The following WWOX variants were observed in gnomAD, a reference collection of about 807,000 sequenced individuals.
WWOX encodes the protein WW domain-containing oxidoreductase.
A neutral mutation model predicts 46.2 loss-of-function variants in WWOX; 69 were observed. The observed-to-expected ratio is 1.49, with a 90% CI of 1.23 to 1.82. WWOX has a LOEUF of 1.82. Ranked by LOEUF, WWOX falls within the 40% of genes most tolerant of loss-of-function variation. The pLI is 0.00. For missense variants in WWOX, 919 were observed against 542.6 expected, an observed-to-expected ratio of 1.69 and a Z score of -6.89; for synonymous variants, 359 against 202.6, an observed-to-expected ratio of 1.77 and a Z score of -6.56.
intron 8 of WWOX, among the ~76,000 whole-genome samples, chr16:78,566,287 G>T (rs116575657): frequency 6.6e-6 from 1 of 152,158 alleles, no homozygotes; most frequent in Non-Finnish European, 1.5e-5. Flanking sequence ...TGAATTTGGG[G>T]GAGCTGGGGA....
intron 2 of WWOX, among the ~76,000 whole-genome samples, chr16:78,109,433 C>T (rs928356190): frequency 4.6e-5 from 7 of 152,138 alleles, no homozygotes; most frequent in African/African-American, 9.7e-5. Context: ...ATGAGGTCAG[C>T]GTATGAATGA....
Position 78,108,417 on chromosome 16 carries a change from T to TA in WWOX, c.108-4dup. The TA allele has an allele frequency of 6.2e-7, 1 of 1,613,428 alleles. No individual in the cohort carries two copies. The highest frequency in any genetic ancestry group is 8.5e-7 in the Non-Finnish European group (1 of 1,179,640). On this transcript the variant is annotated splice_region_variant and splice_polypyrimidine_tract_variant and intron_variant, in intron 1 of 8. Transcript: ENST00000566780. ...TTATTACTGTGGATTTTTTGTTTTTTAACAGTCACACCGAGGAGAAGACTC... is the reference window on the plus strand; with the variant it reads ...TTATTACTGTGGATTTTTTGTTTTTTAAACAGTCACACCGAGGAGAAGACTC...
intron 8 of WWOX, among the ~76,000 whole-genome samples, chr16:79,007,963 T>C (rs577914284): frequency 6.6e-6 from 1 of 152,278 alleles, no homozygotes; most frequent in South Asian, 2.1e-4. Context: ...TGTAAGAAAT[T>C]ACCACAAATT....
chr16:78,707,685 C>G (rs1463784270), intron 8 of WWOX, among the ~76,000 whole-genome samples: 1 of 152,046 alleles, frequency 6.6e-6, no homozygotes, highest in Non-Finnish European at 1.5e-5. Context: ...GCATTCAGGA[C>G]TAGCCTGGCC....
intron 8 of WWOX, chr16:79,016,939 A>G (rs577581727): frequency 1.3e-5 from 2 of 152,296 alleles, no homozygotes; most frequent in South Asian, 2.1e-4. Context: ...ACCTCAGGTG[A>G]TCCGACCACC....
intron 5 of WWOX, among the ~76,000 whole-genome samples, chr16:78,374,899 T>G (rs1397227277): frequency 1.7e-4 from 26 of 152,016 alleles, no homozygotes; most frequent in Admixed American, 1.6e-3. Context: ...TTGGCCAGCC[T>G]GGTCTCAAAC....
At chr16:78,173,086 A>T (rs941195979) in intron 5 of WWOX, among the ~76,000 whole-genome samples, 3 of 152,230 alleles carry the variant, frequency 2.0e-5, no homozygotes, top group African/African-American at 7.2e-5. Flanking sequence ...TGAAGCAGCC[A>T]GTCTCAGGCT....
chr16:78,140,671 C>G (rs753261246), intron 4 of WWOX, among the ~76,000 whole-genome samples: 8 of 152,144 alleles, frequency 5.3e-5, no homozygotes, highest in Non-Finnish European at 1.2e-4. Flanking sequence ...GTTTTCTGAT[C>G]TCCTCTTCTT....
intron 8 of WWOX, among the ~76,000 whole-genome samples, chr16:78,958,731 A>G (rs914779693): frequency 2.0e-5 from 3 of 152,228 alleles, no homozygotes; most frequent in African/African-American, 4.8e-5. Context: ...CCAGGATGCA[A>G]TTAGTTTGAT....
rs184235296 is a variant in WWOX, at chr16:78,491,013, C to T, written c.1056+58261C>T. The stretch of plus-strand genomic sequence containing the variant: ...CCGCTCCAGCCTTCTTTCCTTCCAC[C>T]TCTCCCTCTTGGCCAACTTCATGCT... On this transcript the variant is annotated intron_variant, in intron 8 of 8. Coordinates refer to ENST00000566780, the MANE Select transcript of WWOX (RefSeq NM_016373.4). Among the ~76,000 whole-genome samples, 1,268 of 152,240 alleles carry T rather than the reference C, an allele frequency of 8.3e-3. 15 individuals carry two copies. Among genetic ancestry groups the T allele is most frequent in the Non-Finnish European group, 9.1e-3 (622 of 68,016 alleles).
intron 8 of WWOX, among the ~76,000 whole-genome samples, chr16:79,076,505 T>C (rs1414487973): frequency 2.6e-5 from 4 of 152,198 alleles, no homozygotes; most frequent in Non-Finnish European, 4.4e-5. Flanking sequence ...GTCCGGTGCA[T>C]CCTCCGTGCC....
intron 8 of WWOX, among the ~76,000 whole-genome samples, chr16:78,468,905 C>G (rs938656055): frequency 1.3e-5 from 2 of 152,196 alleles, no homozygotes; most frequent in African/African-American, 2.4e-5. Context: ...CCTTTGTAAC[C>G]TGTAACCCCC....
At chr16:78,601,835 T>G (rs1411638479) in intron 8 of WWOX, among the ~76,000 whole-genome samples, 1 of 149,530 alleles carries the variant, frequency 6.7e-6, no homozygotes, top group African/African-American at 2.6e-5. Context: ...ACTGGGAATA[T>G]TCGACTCTGC....
chr16:78,952,182 G>A (rs2046074125), intron 8 of WWOX, among the ~76,000 whole-genome samples: 1 of 151,890 alleles, frequency 6.6e-6, no homozygotes, highest in South Asian at 2.1e-4. Context: ...TTGCCCTCCT[G>A]CAGCAGGGCT....
chr16:79,135,926 G>T (rs12597702), intron 8 of WWOX, among the ~76,000 whole-genome samples: 30,172 of 152,048 alleles, frequency 0.2, 3,140 homozygotes, highest in East Asian at 0.35. Flanking sequence ...TTACTGGTGA[G>T]AGCTCTGTGT....
intron 8 of WWOX, among the ~76,000 whole-genome samples, chr16:78,782,831 C>G (rs1204863244): frequency 6.6e-6 from 1 of 152,108 alleles, no homozygotes; most frequent in South Asian, 2.1e-4. Context: ...TTTTATGTTT[C>G]ACTAAGAGTG....
At chr16:78,136,781 A>G (rs2033805420) in intron 4 of WWOX, among the ~76,000 whole-genome samples, 1 of 152,232 alleles carries the variant, frequency 6.6e-6, no homozygotes, top group South Asian at 2.1e-4. Flanking sequence ...AGACCAAAAC[A>G]TCACCTGAGT....
intron 8 of WWOX, among the ~76,000 whole-genome samples, chr16:78,889,361 C>T (rs1053938971): frequency 9.1e-6 from 1 of 109,968 alleles, no homozygotes; most frequent in Admixed American, 1.3e-4. Flanking sequence ...CCCCCCGCCC[C>T]GATTTATACT....
chr16:78,280,935 T>G (rs12444281), intron 5 of WWOX: 111,952 of 153,162 alleles, frequency 0.73, 42,615 homozygotes, highest in East Asian at 1. Context: ...GTTCGAGAAT[T>G]ATGTTAACAT....
Sources: allele counts gnomAD v4.1 joint callset (sites outside exome capture counted in the v4.1 genomes callset), GRCh38; gene constraint gnomAD v4.1.1; transcripts MANE v1.5; gene names NCBI Gene and HGNC (gene_info 2026-07-23, HGNC 2026-07-21).